Variants in PPARGC1A observed in about 807,000 individuals in gnomAD.
The protein encoded by PPARGC1A is PPARG coactivator 1 alpha, also known as peroxisome proliferator-activated receptor gamma coactivator 1-alpha.
In PPARGC1A, 25 loss-of-function variants were observed where a neutral mutation model predicts 88.7. The observed-to-expected ratio is 0.28, with a 90% CI of 0.21 to 0.39. The LOEUF (loss-of-function observed/expected upper bound fraction) is 0.39, where lower values mean the gene tolerates loss of function less well. PPARGC1A is among the 10% of genes least tolerant of loss of function. PPARGC1A has a pLI of 1.00. For synonymous variants in PPARGC1A, 363 were observed against 355.6 expected (o/e 1.02, Z -0.24); for missense variants, 880 against 968.7 (o/e 0.91, Z 1.22).
At chr4:24,458,456 G>A in the PPARGC1A span, among the ~76,000 whole-genome samples, 1 of 152,200 alleles carries the variant, frequency 6.6e-6, no homozygotes, top group Non-Finnish European at 1.5e-5. Context: ...AGCCAAGATC[G>A]TGCCACTGCG....
the PPARGC1A span, among the ~76,000 whole-genome samples, chr4:23,936,275 A>C: frequency 6.7e-4 from 102 of 152,346 alleles, no homozygotes; most frequent in African/African-American, 2.2e-3. Flanking sequence ...CACTGTTTTC[A>C]GCTCTACTTT....
At chr4:24,281,086 C>A in the PPARGC1A span, among the ~76,000 whole-genome samples, 1 of 152,188 alleles carries the variant, frequency 6.6e-6, no homozygotes, top group East Asian at 1.9e-4. Flanking sequence ...AGATTAGGAA[C>A]TAGAAGGAGG....
chr4:23,981,127 A>G, the PPARGC1A span, among the ~76,000 whole-genome samples: 1 of 151,886 alleles, frequency 6.6e-6, no homozygotes, highest in Admixed American at 6.6e-5. Context: ...ACTTCTACAC[A>G]TATCTCTTTT....
the PPARGC1A span, among the ~76,000 whole-genome samples, chr4:24,339,820 C>T: frequency 3.3e-5 from 5 of 152,266 alleles, no homozygotes; most frequent in South Asian, 4.1e-4. Flanking sequence ...CTCACTGCAA[C>T]GTCCACCTGC....
At chr4:23,860,961 A>T (rs576640216) in intron 2 of PPARGC1A, among the ~76,000 whole-genome samples, 45 of 152,332 alleles carry the variant, frequency 3.0e-4, no homozygotes, top group African/African-American at 1.1e-3. Flanking sequence ...AGGTAATACC[A>T]GTTGCATGCT....
At chr4:23,825,877 TAAC>T (rs1022768993) in intron 5 of PPARGC1A, among the ~76,000 whole-genome samples, 10 of 152,134 alleles carry the variant, frequency 6.6e-5, no homozygotes, top group African/African-American at 2.4e-4. Flanking sequence ...ATGTCTAATA[TAAC>T]AAGTTTTTCA....
chr4:23,923,388 C>T, the PPARGC1A span, among the ~76,000 whole-genome samples: 3 of 152,228 alleles, frequency 2.0e-5, no homozygotes, highest in South Asian at 4.1e-4. Flanking sequence ...TGCTCAATCA[C>T]TGATTTATTT....
chr4:24,456,407 A>G, the PPARGC1A span, among the ~76,000 whole-genome samples: 1 of 152,196 alleles, frequency 6.6e-6, no homozygotes, highest in African/African-American at 2.4e-5. Flanking sequence ...AGTTGGGGAC[A>G]GTGGGAAATG....
the PPARGC1A span, among the ~76,000 whole-genome samples, chr4:24,419,627 G>A: frequency 6.6e-6 from 1 of 151,868 alleles, no homozygotes; most frequent in East Asian, 1.9e-4. Flanking sequence ...TAGCGGCCAG[G>A]TGAGCTAGGG....
At chr4:24,339,802 G>A in the PPARGC1A span, among the ~76,000 whole-genome samples, 1 of 152,024 alleles carries the variant, frequency 6.6e-6, no homozygotes, top group East Asian at 1.9e-4. Context: ...GCAGTGGTGC[G>A]ATCTCGGCTC....
the PPARGC1A span, among the ~76,000 whole-genome samples, chr4:23,912,282 G>T: frequency 1.1e-4 from 17 of 152,230 alleles, no homozygotes; most frequent in African/African-American, 4.1e-4. Context: ...AGTGACCTCA[G>T]CTCACAGCTC....
At chr4:24,109,583 G>A in the PPARGC1A span, among the ~76,000 whole-genome samples, 4 of 151,908 alleles carry the variant, frequency 2.6e-5, no homozygotes, top group African/African-American at 4.8e-5. Flanking sequence ...CCCAACTTAC[G>A]GCATCTGAAA....
the PPARGC1A span, among the ~76,000 whole-genome samples, chr4:24,399,581 T>C: frequency 6.6e-6 from 1 of 152,100 alleles, no homozygotes; most frequent in African/African-American, 2.4e-5. Context: ...GTCAAGAACT[T>C]CCACAGGTGA....
chr4:24,377,837 G>T, the PPARGC1A span, among the ~76,000 whole-genome samples: 1 of 152,160 alleles, frequency 6.6e-6, no homozygotes, highest in African/African-American at 2.4e-5. Context: ...TGAATTTGGG[G>T]ATGACATATT....
At chr4:23,878,847 C>T (rs916764042) in intron 2 of PPARGC1A, among the ~76,000 whole-genome samples, 4 of 152,174 alleles carry the variant, frequency 2.6e-5, no homozygotes, top group Non-Finnish European at 5.9e-5. Flanking sequence ...ACTACAAATG[C>T]AAAGATAAGT....
chr4:23,796,488 A>G (rs1282845226), intron 12 of PPARGC1A, among the ~76,000 whole-genome samples: 1 of 152,138 alleles, frequency 6.6e-6, no homozygotes, highest in Non-Finnish European at 1.5e-5. Flanking sequence ...GGTTGAGAGA[A>G]ATGCTTCACA....
intron 2 of PPARGC1A, among the ~76,000 whole-genome samples, chr4:23,869,162 A>G (rs1712713268): frequency 6.6e-6 from 1 of 152,180 alleles, no homozygotes; most frequent in Non-Finnish European, 1.5e-5. Flanking sequence ...CAGGTGAGTG[A>G]TGGACAGGGT....
the PPARGC1A span, among the ~76,000 whole-genome samples, chr4:24,051,773 A>C: frequency 1.3e-5 from 2 of 152,114 alleles, no homozygotes; most frequent in Non-Finnish European, 2.9e-5. Flanking sequence ...AACAAGTTTG[A>C]GTCAAGGAGC....
At chr4:24,338,674 C>T in the PPARGC1A span, among the ~76,000 whole-genome samples, 2 of 152,058 alleles carry the variant, frequency 1.3e-5, no homozygotes, top group Non-Finnish European at 1.5e-5. Flanking sequence ...CCATTAAAAA[C>T]GTTCACCCAT....
Sources: gnomAD v4.1 joint callset for allele counts (sites outside exome capture counted in the v4.1 genomes callset) on GRCh38, gnomAD v4.1.1 for gene constraint, MANE v1.5 for transcripts, NCBI Gene and HGNC (gene_info 2026-07-23, HGNC 2026-07-21) for gene names.